Variants in CLSTN2 observed in about 807,000 individuals in gnomAD.
CLSTN2 encodes calsyntenin-2.
Under a neutral mutation model 101.2 loss-of-function variants are expected in CLSTN2, and 48 were observed. The ratio of observed to expected loss-of-function variants is 0.47; its 90% CI spans 0.38 to 0.60. The LOEUF is 0.60. Ranked by LOEUF, CLSTN2 falls within the 20% of genes least tolerant of loss-of-function variation. The pLI, the probability that CLSTN2 is intolerant of heterozygous loss-of-function variation, is 0.00. For synonymous variants in CLSTN2, 481 were observed against 463.6 expected (o/e 1.04, Z -0.48); for missense variants, 1,160 against 1,238.2 (o/e 0.94, Z 0.95).
intron 1 of CLSTN2, among the ~76,000 whole-genome samples, chr3:139,945,558 T>C (rs917827290): frequency 6.6e-6 from 1 of 152,226 alleles, no homozygotes; most frequent in African/African-American, 2.4e-5. Flanking sequence ...TTCTTTGATG[T>C]GTAGCCTGCA....
At chr3:140,093,099 G>A (rs180984267) in intron 1 of CLSTN2, among the ~76,000 whole-genome samples, 1 of 152,246 alleles carries the variant, frequency 6.6e-6, no homozygotes, top group East Asian at 1.9e-4. Flanking sequence ...AGAGAGAGAA[G>A]GTGGGGAGAG....
chr3:140,198,678 TAGTA>T (rs2010680268), intron 2 of CLSTN2, among the ~76,000 whole-genome samples: 1 of 152,346 alleles, frequency 6.6e-6, no homozygotes, highest in South Asian at 2.1e-4. Flanking sequence ...GTGGATCTAA[TAGTA>T]AGTATTTTAG....
At chr3:140,398,073 A>G (rs531361740) in intron 2 of CLSTN2, among the ~76,000 whole-genome samples, 1 of 144,464 alleles carries the variant, frequency 6.9e-6, no homozygotes, top group Admixed American at 7.0e-5. Flanking sequence ...CTTACTTCCA[A>G]AAACATCTGC....
chr3:140,192,124 G>C (rs2010573679), intron 2 of CLSTN2, among the ~76,000 whole-genome samples: 1 of 151,864 alleles, frequency 6.6e-6, no homozygotes, highest in Non-Finnish European at 1.5e-5. Context: ...TAAATGTTTG[G>C]AGATTGTCCT....
chr3:140,020,245 A>T (rs2007279655), intron 1 of CLSTN2, among the ~76,000 whole-genome samples: 1 of 152,212 alleles, frequency 6.6e-6, no homozygotes, highest in Admixed American at 6.5e-5. Flanking sequence ...ACCAGAACCC[A>T]GCATGGGTGT....
intron 1 of CLSTN2, among the ~76,000 whole-genome samples, chr3:139,992,032 T>C (rs1936123560): frequency 6.6e-6 from 1 of 152,166 alleles, no homozygotes. Context: ...ATGCAATCAC[T>C]TGTGTGGACT....
chr3:140,357,990 G>A (rs955920337), intron 2 of CLSTN2, among the ~76,000 whole-genome samples: 1 of 152,192 alleles, frequency 6.6e-6, no homozygotes, highest in East Asian at 1.9e-4. Context: ...GTTATAGCAT[G>A]AGCCAGGCTG....
rs2088507094 is a variant in CLSTN2, at chr3:140,421,605, T to C, written c.787+331T>C. Among the ~76,000 whole-genome samples the C allele has an allele frequency of 2.0e-5, 3 of 152,154 alleles. 1 individual carries two copies. The South Asian group carries it at 6.2e-4, about 32-fold the overall frequency. On this transcript the variant is annotated intron_variant, in intron 5 of 16. Transcript: ENST00000458420. ...CAAGCCTATTCACTTTACCCCAGGG[T>C]GCTGGGTCTACCTGATGCATTTCAA...
chr3:140,187,700 A>G (rs2010502916), intron 2 of CLSTN2, among the ~76,000 whole-genome samples: 1 of 152,044 alleles, frequency 6.6e-6, no homozygotes, highest in South Asian at 2.1e-4. Context: ...TTTTCTCTCA[A>G]GAGCTGATAT....
intron 1 of CLSTN2, among the ~76,000 whole-genome samples, chr3:139,941,922 A>G (rs902508464): frequency 2.2e-4 from 33 of 152,226 alleles, no homozygotes; most frequent in Admixed American, 1.9e-3. Context: ...CCTATGAAGG[A>G]GGTAAATCTA....
intron 1 of CLSTN2, among the ~76,000 whole-genome samples, chr3:140,060,052 A>T (rs1282561841): frequency 6.6e-6 from 1 of 152,212 alleles, no homozygotes; most frequent in Admixed American, 6.5e-5. Flanking sequence ...CTGTAAAATG[A>T]TATAATAAAT....
At chr3:140,431,287 T>G (rs16850232) in intron 5 of CLSTN2, among the ~76,000 whole-genome samples, 5,278 of 152,274 alleles carry the variant, frequency 0.035, 304 homozygotes, top group African/African-American at 0.12. Flanking sequence ...TGCCTGAAAC[T>G]AAAGTTACCT....
At chr3:140,107,033 T>C (rs778579673) in intron 1 of CLSTN2, among the ~76,000 whole-genome samples, 2 of 152,204 alleles carry the variant, frequency 1.3e-5, no homozygotes, top group Non-Finnish European at 2.9e-5. Context: ...GCATTAAAGA[T>C]AAAGATTTTA....
intron 2 of CLSTN2, among the ~76,000 whole-genome samples, chr3:140,363,823 G>A (rs1350486216): frequency 1.3e-5 from 2 of 152,210 alleles, no homozygotes; most frequent in Admixed American, 1.3e-4. Flanking sequence ...GATGAATCGA[G>A]GAGGGGGAAC....
At chr3:140,379,854 T>C (rs2087960525) in intron 2 of CLSTN2, among the ~76,000 whole-genome samples, 1 of 152,150 alleles carries the variant, frequency 6.6e-6, no homozygotes, top group African/African-American at 2.4e-5. Flanking sequence ...ATCTCTACTA[T>C]TTAATGAAAG....
At chr3:139,980,962 T>G (rs529259003) in intron 1 of CLSTN2, among the ~76,000 whole-genome samples, 1 of 152,128 alleles carries the variant, frequency 6.6e-6, no homozygotes, top group Non-Finnish European at 1.5e-5. Context: ...CTTTCTTTCT[T>G]GTAACTTGTG....
intron 1 of CLSTN2, among the ~76,000 whole-genome samples, chr3:140,079,256 T>C (rs982638101): frequency 2.0e-5 from 3 of 152,170 alleles, no homozygotes; most frequent in Non-Finnish European, 4.4e-5. Flanking sequence ...CAATGAACTC[T>C]TGAGCTGAAG....
intron 8 of CLSTN2, among the ~76,000 whole-genome samples, chr3:140,506,398 C>T (rs745783594): frequency 2.6e-5 from 4 of 152,102 alleles, no homozygotes; most frequent in African/African-American, 4.8e-5. Context: ...GCCTCTCTTT[C>T]GTCACACTCC....
intron 2 of CLSTN2, among the ~76,000 whole-genome samples, chr3:140,397,294 A>G (rs2088193229): frequency 6.6e-6 from 1 of 152,136 alleles, no homozygotes; most frequent in Non-Finnish European, 1.5e-5. Flanking sequence ...TCACCCAGGT[A>G]GGTAGTTGGA....
Sources: gnomAD v4.1 joint callset for allele counts (sites outside exome capture counted in the v4.1 genomes callset) on GRCh38, gnomAD v4.1.1 for gene constraint, MANE v1.5 for transcripts, NCBI Gene and HGNC (gene_info 2026-07-23, HGNC 2026-07-21) for gene names.